Variants in LGR4 observed in about 807,000 individuals in gnomAD.
LGR4 encodes the protein leucine rich repeat containing G protein-coupled receptor 4, also known as leucine-rich repeat-containing G protein-coupled receptor 4.
LGR4 carries 44 observed loss-of-function variants against 84.8 expected under a neutral mutation model. That is an observed-to-expected ratio of 0.52 (90% CI 0.41 to 0.67). The LOEUF (loss-of-function observed/expected upper bound fraction) is 0.67. LGR4 is among the 30% of genes least tolerant of loss of function. The pLI is 0.00. For synonymous variants in LGR4, 429 were observed against 434.3 expected (o/e 0.99, Z 0.15); for missense variants, 1,032 against 1,131.4 (o/e 0.91, Z 1.26).
chr11:27,434,948 ACC>A (rs1864182556), intron 1 of LGR4, among the ~76,000 whole-genome samples: 1 of 151,996 alleles, frequency 6.6e-6, no homozygotes, highest in Non-Finnish European at 1.5e-5. Flanking sequence ...TCATGACAAT[ACC>A]CCTAGTTTTC....
chr11:27,417,178 C>T (rs1052238195), intron 1 of LGR4, among the ~76,000 whole-genome samples: 1 of 151,944 alleles, frequency 6.6e-6, no homozygotes, highest in African/African-American at 2.4e-5. Flanking sequence ...CAAATATTAT[C>T]TGGCAGTTTA....
Position 27,377,174 on chromosome 11 carries a change from G to T in LGR4, c.1093C>A (p.His365Asn). ...IRDLPSFNGC[H>N]ALEEISLQRN... The stretch of plus-strand genomic sequence containing the variant: ...CCAACTCACATTTCTTCCAGAGCAT[G>T]GCAACCATTAAAACTTGGAAGGTCT... The change falls in exon 12 of 18, where the codon CAT (histidine) becomes AAT (asparagine). Residue 365 changes from histidine to asparagine, a missense_variant. By Grantham distance (68) the His-to-Asn change is moderately conservative (BLOSUM62 1). Coordinates refer to ENST00000379214, the MANE Select transcript of LGR4 (RefSeq NM_018490.5). 6.3e-7 allele frequency: 1 copy of T among 1,588,120 alleles called. No homozygotes were observed. The highest frequency in any genetic ancestry group is 1.1e-5 in the South Asian group (1 of 89,056).
chr11:27,419,925 G>C (rs1400146551), intron 1 of LGR4, among the ~76,000 whole-genome samples: 1 of 151,914 alleles, frequency 6.6e-6, no homozygotes, highest in Non-Finnish European at 1.5e-5. Flanking sequence ...CAACAGTTGG[G>C]GGGTGGAGAA....
intron 1 of LGR4, among the ~76,000 whole-genome samples, chr11:27,453,443 T>TA (rs142475661): frequency 0.018 from 2,804 of 152,314 alleles, 78 homozygotes; most frequent in African/African-American, 0.064. Context: ...CTAATTATCT[T>TA]AATATCTAAA....
At chr11:27,391,542 T>C (rs1863285297) in intron 3 of LGR4, among the ~76,000 whole-genome samples, 3 of 152,126 alleles carry the variant, frequency 2.0e-5, no homozygotes, top group South Asian at 4.1e-4. Context: ...AGCAAATCCG[T>C]TGGAATTCCT....
At chr11:27,472,063 C>A in intron 1 of LGR4, 55 bp downstream of exon 1, 1 of 1,188,470 alleles carries the variant, frequency 8.4e-7, no homozygotes, top group Non-Finnish European at 1.1e-6. Flanking sequence ...CCGCGGCGCC[C>A]CCCGCTGGGC....
chr11:27,434,622 A>C (rs1392446948), intron 1 of LGR4, among the ~76,000 whole-genome samples: 1 of 152,182 alleles, frequency 6.6e-6, no homozygotes, highest in Non-Finnish European at 1.5e-5. Context: ...TACTAAACGC[A>C]GTGGCTAAAG....
chr11:27,446,856 TA>T (rs1249985504), intron 1 of LGR4, among the ~76,000 whole-genome samples: 2 of 152,022 alleles, frequency 1.3e-5, no homozygotes, highest in African/African-American at 4.8e-5. Flanking sequence ...TATGCAGCCA[TA>T]AAAAATGATG....
intron 1 of LGR4, among the ~76,000 whole-genome samples, chr11:27,440,650 C>T (rs886271701): frequency 2.6e-5 from 4 of 152,064 alleles, no homozygotes; most frequent in Admixed American, 2.6e-4. Flanking sequence ...TAACTTTGTT[C>T]CCACAAAGAC....
At chr11:27,451,265 T>A (rs1270122048) in intron 1 of LGR4, among the ~76,000 whole-genome samples, 1 of 152,190 alleles carries the variant, frequency 6.6e-6, no homozygotes, top group African/African-American at 2.4e-5. Flanking sequence ...TTCACACCAC[T>A]ATTTTAATGA....
At chr11:27,458,845 TCA>T (rs1273447173) in intron 1 of LGR4, among the ~76,000 whole-genome samples, 1 of 152,126 alleles carries the variant, frequency 6.6e-6, no homozygotes, top group Non-Finnish European at 1.5e-5. Context: ...GGCCTTGAAT[TCA>T]CAGTTTTGAA....
At chr11:27,378,989 T>C (rs1033772815) in intron 10 of LGR4, 4 of 531,704 alleles carry the variant, frequency 7.5e-6, no homozygotes, top group Non-Finnish European at 1.3e-5. Context: ...ACATTAGATG[T>C]TGATACTGGG....
intron 1 of LGR4, among the ~76,000 whole-genome samples, chr11:27,429,217 G>T (rs148580285): frequency 0.014 from 2,144 of 152,270 alleles, 53 homozygotes; most frequent in African/African-American, 0.049. Flanking sequence ...AGGCACGGTG[G>T]TTCACGCCTG....
intron 1 of LGR4, among the ~76,000 whole-genome samples, chr11:27,422,446 C>T (rs1263210838): frequency 1.3e-5 from 2 of 152,048 alleles, no homozygotes; most frequent in Non-Finnish European, 2.9e-5. Context: ...GGGTCATAGC[C>T]AACTTTTTTA....
intron 1 of LGR4, among the ~76,000 whole-genome samples, chr11:27,466,335 C>T (rs1007004142): frequency 2.6e-5 from 4 of 152,144 alleles, no homozygotes; most frequent in Non-Finnish European, 5.9e-5. Flanking sequence ...TAATATTCTA[C>T]TCAGATTCAC....
rs140875391 is a variant in LGR4, at chr11:27,368,343, C to G, written c.2380G>C (p.Ala794Pro). The G allele has an allele frequency of 2.3e-5, 37 of 1,613,982 alleles. No individual in the cohort carries two copies. In the African/African-American group the frequency reaches 4.7e-4, roughly 20 times the overall value. The change falls in exon 18 of 18, where the codon GCT becomes CCT. Residue 794 changes from alanine (A) to proline (P), a missense_variant. Ala to Pro is a conservative substitution (Grantham distance 27). Coordinates refer to ENST00000379214, the MANE Select transcript of LGR4 (RefSeq NM_018490.5). ...ACATACAGGACTGGATTCAGGCAAGCAGGCAATGGAAAAAATATCAGAGTA... is the reference window on the plus strand; with the variant it reads ...ACATACAGGACTGGATTCAGGCAAGGAGGCAATGGAAAAAATATCAGAGTA... ...SVTLIFFPLP[A>P]CLNPVLYVFF...
chr11:27,464,082 T>C (rs1355380604), intron 1 of LGR4, among the ~76,000 whole-genome samples: 2 of 152,204 alleles, frequency 1.3e-5, no homozygotes, highest in Non-Finnish European at 2.9e-5. Flanking sequence ...TCTTCCCTAC[T>C]ACAGAAAAGA....
intron 1 of LGR4, among the ~76,000 whole-genome samples, chr11:27,462,623 T>G (rs952167668): frequency 7.9e-5 from 12 of 152,120 alleles, no homozygotes; most frequent in African/African-American, 2.9e-4. Context: ...GGTTAGAATT[T>G]TAATTCACTG....
At chr11:27,376,080 G>T (rs912213065) in intron 13 of LGR4, among the ~76,000 whole-genome samples, 4 of 151,400 alleles carry the variant, frequency 2.6e-5, no homozygotes, top group African/African-American at 4.9e-5. Flanking sequence ...GGGTTCAAGC[G>T]ATTCTCCTGC....
Sources: gnomAD v4.1 joint callset for allele counts (sites outside exome capture counted in the v4.1 genomes callset) on GRCh38, gnomAD v4.1.1 for gene constraint, MANE v1.5 for transcripts, NCBI Gene and HGNC (gene_info 2026-07-23, HGNC 2026-07-21) for gene names.